The following MSI2 variants were observed in gnomAD, a reference collection of about 807,000 sequenced individuals.
The protein encoded by MSI2 is musashi RNA binding protein 2.
MSI2 carries 17 observed loss-of-function variants against 45.6 expected under a neutral mutation model. That is an observed-to-expected ratio of 0.37 (90% CI 0.26 to 0.56). The LOEUF is 0.56. Ranked by LOEUF, MSI2 falls within the 20% of genes least tolerant of loss-of-function variation. The pLI is 0.77. For synonymous variants in MSI2, 156 were observed against 158.2 expected (o/e 0.99, Z 0.11); for missense variants, 293 against 444.2 (o/e 0.66, Z 3.06).
At position 57,517,535 on chromosome 17, in the gene MSI2, A is replaced by G. The variant is rs528126578; in HGVS notation, c.406-12141A>G. On this transcript the variant is annotated intron_variant, in intron 6 of 13. Transcript: ENST00000284073. ...CTTTTGAAGCTCCACGAAGGGTTCAAAGGAGTCTTGGAGAAGGGATTCCTG... is the reference window on the plus strand; with the variant it reads ...CTTTTGAAGCTCCACGAAGGGTTCAGAGGAGTCTTGGAGAAGGGATTCCTG... 1.4e-4 allele frequency among the ~76,000 whole-genome samples: 22 copies of G among 152,292 alleles called. 1 individual carries two copies. In the South Asian group the frequency reaches 4.6e-3, roughly 32 times the overall value.
intron 9 of MSI2, chr17:57,625,772 A>G (rs963608062): frequency 6.6e-6 from 1 of 152,288 alleles, no homozygotes; most frequent in African/African-American, 2.4e-5. Flanking sequence ...GAGCTTGGGC[A>G]GTGCTGGAGA....
intron 7 of MSI2, among the ~76,000 whole-genome samples, chr17:57,574,280 G>T (rs900238191): frequency 3.3e-5 from 5 of 152,142 alleles, no homozygotes; most frequent in Non-Finnish European, 7.3e-5. Context: ...CTTCTCTCTC[G>T]TCACTATTTG....
chr17:57,677,487 C>T (rs1014267165), intron 13 of MSI2, among the ~76,000 whole-genome samples: 2 of 152,202 alleles, frequency 1.3e-5, no homozygotes, highest in African/African-American at 4.8e-5. Flanking sequence ...CCACCCACTC[C>T]TGGAGGTCCT....
chr17:57,308,569 C>T, intron 5 of MSI2, among the ~76,000 whole-genome samples: 1 of 152,180 alleles, frequency 6.6e-6, no homozygotes, highest in Non-Finnish European at 1.5e-5. Context: ...TTTGACCCTG[C>T]TTTTCCCCTG....
Position 57,596,121 on chromosome 17 carries a change from C to T in MSI2, c.455-747C>T, listed in dbSNP as rs116098770. 4.8e-3 allele frequency among the ~76,000 whole-genome samples: 726 copies of T among 152,130 alleles called. 9 individuals carry two copies. Among genetic ancestry groups the T allele is most frequent in the African/African-American group, 0.016 (671 of 41,512 alleles). The stretch of plus-strand genomic sequence containing the variant: ...CACATGCTGGAAACGCTGTCGGAGG[C>T]GGGAGGAGAAGAAAGAAAGGGGCAG... On this transcript the variant is annotated intron_variant, in intron 7 of 13. Coordinates refer to ENST00000284073, the MANE Select transcript of MSI2 (RefSeq NM_138962.4). This position sits in a 1 kb window ranked among gnomAD's most constrained non-coding sequence, Gnocchi z 4.6.
intron 5 of MSI2, among the ~76,000 whole-genome samples, chr17:57,350,874 A>G (rs928444732): frequency 6.6e-6 from 1 of 152,060 alleles, no homozygotes; most frequent in Non-Finnish European, 1.5e-5. Context: ...GGTACTTGAG[A>G]AGATTGAATG....
intron 7 of MSI2, among the ~76,000 whole-genome samples, chr17:57,545,971 G>A (rs2144152432): frequency 6.6e-6 from 1 of 152,244 alleles, no homozygotes; most frequent in South Asian, 2.1e-4. Flanking sequence ...GGGAGGGTGA[G>A]GCAGCAGAGG....
At chr17:57,349,603 T>TGTAC (rs1423788053) in intron 5 of MSI2, among the ~76,000 whole-genome samples, 7 of 152,228 alleles carry the variant, frequency 4.6e-5, no homozygotes, top group Admixed American at 3.3e-4. Flanking sequence ...TTTAGAATTG[T>TGTAC]GTACATTTGT....
chr17:57,411,028 G>C (rs2084185915), intron 6 of MSI2, among the ~76,000 whole-genome samples: 1 of 152,118 alleles, frequency 6.6e-6, no homozygotes, highest in Admixed American at 6.5e-5. Flanking sequence ...TTTAGAGACA[G>C]GGTCTCACTA....
chr17:57,363,672 G>C (rs879504389), intron 5 of MSI2, among the ~76,000 whole-genome samples: 3 of 152,196 alleles, frequency 2.0e-5, no homozygotes, highest in Non-Finnish European at 2.9e-5. Flanking sequence ...CTGGGAGGCA[G>C]GGGTTGTAGT....
intron 5 of MSI2, among the ~76,000 whole-genome samples, chr17:57,331,134 G>T (rs1914229371): frequency 6.6e-6 from 1 of 152,114 alleles, no homozygotes; most frequent in Non-Finnish European, 1.5e-5. Flanking sequence ...GGCTGGTCTC[G>T]AACTCCTGAC....
At chr17:57,489,042 A>T (rs894801087) in intron 6 of MSI2, among the ~76,000 whole-genome samples, 16 of 152,078 alleles carry the variant, frequency 1.1e-4, no homozygotes, top group African/African-American at 3.6e-4. Flanking sequence ...CAGCCCCCTT[A>T]TGCTAATTTA....
chr17:57,647,274 CAAAAAAA>C (rs33915774), intron 10 of MSI2, among the ~76,000 whole-genome samples: 418 of 37,670 alleles, frequency 0.011, 2 homozygotes, highest in African/African-American at 0.029. Flanking sequence ...ACTAAAAATA[CAAAAAAA>C]AAAAAAAAAA....
intron 7 of MSI2, among the ~76,000 whole-genome samples, chr17:57,551,720 G>C (rs1173353167): frequency 1.3e-5 from 2 of 152,130 alleles, no homozygotes; most frequent in African/African-American, 4.8e-5. Flanking sequence ...AAGTATCCCA[G>C]TTGGCCATTT....
At chr17:57,292,093 A>G (rs1199886234) in intron 5 of MSI2, among the ~76,000 whole-genome samples, 1 of 151,870 alleles carries the variant, frequency 6.6e-6, no homozygotes, top group Non-Finnish European at 1.5e-5. Flanking sequence ...AGGATCGTAG[A>G]GGAGGGGACG....
Position 57,650,936 on chromosome 17 carries a change from G to A in MSI2, c.728-1163G>A, listed in dbSNP as rs143569300. Among the ~76,000 whole-genome samples the A allele has an allele frequency of 3.5e-3, 526 of 152,302 alleles. 6 individuals are homozygous for A. The highest frequency in any genetic ancestry group is 0.014 in the East Asian group (72 of 5,184). On this transcript the variant is annotated intron_variant, in intron 10 of 13. Coordinates refer to ENST00000284073, the MANE Select transcript of MSI2 (RefSeq NM_138962.4). The stretch of plus-strand genomic sequence containing the variant: ...TAAAAGGCTCAGTAGCTAAAGTTGA[G>A]CAGCCCTGTTGGGGGCTGTTTATTG...
chr17:57,504,875 G>A (rs1192841460), intron 6 of MSI2, among the ~76,000 whole-genome samples: 3 of 147,484 alleles, frequency 2.0e-5, no homozygotes, highest in African/African-American at 5.0e-5. Flanking sequence ...AGGTTGTGGT[G>A]AGCCGAGATC....
intron 8 of MSI2, among the ~76,000 whole-genome samples, chr17:57,612,855 G>A (rs1264899845): frequency 6.6e-6 from 1 of 152,192 alleles, no homozygotes; most frequent in African/African-American, 2.4e-5. Context: ...GAAGTGAGCT[G>A]GTTAGCGGTA....
At chr17:57,567,263 G>A (rs2087757500) in intron 7 of MSI2, among the ~76,000 whole-genome samples, 1 of 152,146 alleles carries the variant, frequency 6.6e-6, no homozygotes, top group Non-Finnish European at 1.5e-5. Context: ...TAAATAAGTG[G>A]GGAAAATGGC....
Sources: gnomAD v4.1 joint callset for allele counts (sites outside exome capture counted in the v4.1 genomes callset) on GRCh38, gnomAD v4.1.1 for gene constraint, Gnocchi (gnomAD v3.1) non-coding constraint, MANE v1.5 for transcripts, NCBI Gene and HGNC (gene_info 2026-07-23, HGNC 2026-07-21) for gene names.